RNF13: variants seen among roughly 807,000 people sequenced by gnomAD.
The protein encoded by RNF13 is E3 ubiquitin-protein ligase RNF13.
A neutral mutation model predicts 37.7 loss-of-function variants in RNF13; 19 were observed. That is an observed-to-expected ratio of 0.50 (90% CI 0.35 to 0.74). The LOEUF (loss-of-function observed/expected upper bound fraction) is 0.74. Ranked by LOEUF, RNF13 falls within the 30% of genes least tolerant of loss-of-function variation. The pLI, the probability that RNF13 is intolerant of heterozygous loss-of-function variation, is 0.01. For missense variants in RNF13, 375 were observed against 453.0 expected, an observed-to-expected ratio of 0.83 and a Z score of 1.56; for synonymous variants, 144 against 157.8, an observed-to-expected ratio of 0.91 and a Z score of 0.65.
intron 8 of RNF13, among the ~76,000 whole-genome samples, chr3:149,931,830 C>G (rs1719189835): frequency 6.6e-6 from 1 of 152,200 alleles, no homozygotes; most frequent in Non-Finnish European, 1.5e-5. Flanking sequence ...AGCCAGCCTC[C>G]CTTCACTGCT....
chr3:149,947,044 T>G (rs1720832477), intron 8 of RNF13, among the ~76,000 whole-genome samples: 1 of 152,264 alleles, frequency 6.6e-6, no homozygotes, highest in African/African-American at 2.4e-5. Context: ...AAAACTGCAT[T>G]AATTCCTATA....
At chr3:149,813,420 C>T (rs1719105564) in intron 1 of RNF13, 67 bp downstream of exon 1, 1 of 152,438 alleles carries the variant, frequency 6.6e-6, no homozygotes, top group Non-Finnish European at 1.5e-5. Context: ...GAACATACCC[C>T]GCTTGTTGGC....
At chr3:149,843,043 A>C (rs909708088) in intron 1 of RNF13, among the ~76,000 whole-genome samples, 3 of 152,354 alleles carry the variant, frequency 2.0e-5, no homozygotes, top group Non-Finnish European at 4.4e-5. Context: ...TTCTACATCC[A>C]TGGATTCAAT....
At chr3:149,945,489 G>A (rs1720679995) in intron 8 of RNF13, among the ~76,000 whole-genome samples, 1 of 152,196 alleles carries the variant, frequency 6.6e-6, no homozygotes, top group Admixed American at 6.5e-5. Context: ...CCACCTCTGG[G>A]GGCAGGGTAT....
At chr3:149,900,363 A>C (rs1212020829) in intron 5 of RNF13, among the ~76,000 whole-genome samples, 1 of 152,176 alleles carries the variant, frequency 6.6e-6, no homozygotes, top group Non-Finnish European at 1.5e-5. Context: ...ATCTTAGCAA[A>C]ATAGAAAATA....
At chr3:149,923,365 T>C (rs1349159311) in intron 8 of RNF13, among the ~76,000 whole-genome samples, 1 of 152,178 alleles carries the variant, frequency 6.6e-6, no homozygotes, top group Non-Finnish European at 1.5e-5. Flanking sequence ...GCTAAGACTA[T>C]AGGCATGTGC....
chr3:149,878,384 A>G (rs542074552), intron 4 of RNF13, among the ~76,000 whole-genome samples: 2 of 152,330 alleles, frequency 1.3e-5, no homozygotes, highest in African/African-American at 2.4e-5. Context: ...TTAAAATGTC[A>G]TAAGAGCCTG....
intron 8 of RNF13, among the ~76,000 whole-genome samples, chr3:149,955,554 A>G (rs1035092151): frequency 6.6e-6 from 1 of 152,184 alleles, no homozygotes; most frequent in African/African-American, 2.4e-5. Flanking sequence ...GCTGCTATTC[A>G]TACCAAACAC....
At chr3:149,846,508 T>A (rs1163831394) in intron 2 of RNF13, among the ~76,000 whole-genome samples, 1 of 152,196 alleles carries the variant, frequency 6.6e-6, no homozygotes, top group African/African-American at 2.4e-5. Context: ...TTTCACCATG[T>A]TGGCCAGGCT....
At chr3:149,830,773 C>CCT in intron 1 of RNF13, among the ~76,000 whole-genome samples, 1 of 152,062 alleles carries the variant, frequency 6.6e-6, no homozygotes, top group Non-Finnish European at 1.5e-5. Context: ...GAAAATGTCT[C>CCT]CAGGGCATGT....
chr3:149,841,127 T>C (rs994192716), intron 1 of RNF13, among the ~76,000 whole-genome samples: 14 of 152,220 alleles, frequency 9.2e-5, no homozygotes, highest in African/African-American at 3.1e-4. Flanking sequence ...TAAATACTTT[T>C]CACCAATCAG....
Position 149,836,653 on chromosome 3 carries a change from A to G in RNF13, c.-16-9358A>G, listed in dbSNP as rs371912670. On this transcript the variant is annotated intron_variant, in intron 1 of 9. Coordinates refer to ENST00000392894, the MANE Select transcript of RNF13 (RefSeq NM_183381.3). ...AAAAAAAATCAAACGTAGAATTACC[A>G]TATGATCCAGCAATACTTCTGGGTA... 1.4e-4 allele frequency among the ~76,000 whole-genome samples: 21 copies of G among 152,302 alleles called. No individual in the cohort carries two copies. In the East Asian group the frequency reaches 3.7e-3, roughly 27 times the overall value.
chr3:149,844,529 G>T (rs1008040563), intron 1 of RNF13, among the ~76,000 whole-genome samples: 1 of 152,138 alleles, frequency 6.6e-6, no homozygotes, highest in African/African-American at 2.4e-5. Flanking sequence ...CAGGTATTCA[G>T]CACAAACCAC....
At chr3:149,885,551 A>C (rs1713928505) in intron 4 of RNF13, among the ~76,000 whole-genome samples, 1 of 152,040 alleles carries the variant, frequency 6.6e-6, no homozygotes. Context: ...GTCTATTCAA[A>C]TCTTTTGCCC....
At chr3:149,918,094 CAG>C (rs1310775288) in intron 7 of RNF13, among the ~76,000 whole-genome samples, 1 of 152,068 alleles carries the variant, frequency 6.6e-6, no homozygotes, top group African/African-American at 2.4e-5. Flanking sequence ...AAAAAGGAAA[CAG>C]ATGAGATTAA....
At chr3:149,884,343 C>G (rs1022934658) in intron 4 of RNF13, among the ~76,000 whole-genome samples, 17 of 151,618 alleles carry the variant, frequency 1.1e-4, no homozygotes, top group African/African-American at 4.1e-4. Flanking sequence ...TTTAGCTGTA[C>G]TAATAAGGTA....
intron 4 of RNF13, among the ~76,000 whole-genome samples, chr3:149,879,871 C>G (rs149011962): frequency 2.6e-5 from 4 of 152,258 alleles, no homozygotes; most frequent in Admixed American, 6.5e-5. Flanking sequence ...CTAATTCTTT[C>G]TTTTTGCTAC....
chr3:149,862,441 A>G (rs1213580340), intron 3 of RNF13, among the ~76,000 whole-genome samples: 1 of 152,020 alleles, frequency 6.6e-6, no homozygotes, highest in Non-Finnish European at 1.5e-5. Flanking sequence ...ATTATCCTGA[A>G]ACTTATGTGT....
intron 4 of RNF13, among the ~76,000 whole-genome samples, chr3:149,882,671 A>G (rs1445485156): frequency 2.6e-5 from 4 of 152,184 alleles, no homozygotes; most frequent in African/African-American, 9.7e-5. Flanking sequence ...TGTGCTATGC[A>G]CTTACCTTTA....
Sources: allele counts gnomAD v4.1 joint callset (sites outside exome capture counted in the v4.1 genomes callset), GRCh38; gene constraint gnomAD v4.1.1; transcripts MANE v1.5; gene names NCBI Gene and HGNC (gene_info 2026-07-23, HGNC 2026-07-21).